DNAH12: variants seen among roughly 807,000 people sequenced by gnomAD.
The protein encoded by DNAH12 is axonemal beta dynein heavy chain 12.
In DNAH12, 285 loss-of-function variants were observed where a neutral mutation model predicts 371.5. The ratio of observed to expected loss-of-function variants is 0.77; its 90% CI spans 0.70 to 0.85. The LOEUF is 0.85. DNAH12 is among the 40% of genes least tolerant of loss of function. The pLI is 0.00. For synonymous variants in DNAH12, 1,200 were observed against 1,213.0 expected (o/e 0.99, Z 0.22); for missense variants, 3,611 against 3,689.4 (o/e 0.98, Z 0.55).
chr3:57,420,477 T>C (rs1407064604), intron 36 of DNAH12, among the ~76,000 whole-genome samples: 1 of 152,178 alleles, frequency 6.6e-6, no homozygotes, highest in African/African-American at 2.4e-5. Flanking sequence ...TTTATCAACA[T>C]TATATATGTA....
intron 7 of DNAH12, 50 bp from the exon 8 acceptor site, chr3:57,507,888 T>C (rs781045318): frequency 6.7e-7 from 1 of 1,484,204 alleles, no homozygotes; most frequent in Non-Finnish European, 8.9e-7. Context: ...TACATATTGG[T>C]CTTAAAACAC....
chr3:57,479,475 G>A (rs1165965812), intron 13 of DNAH12, among the ~76,000 whole-genome samples: 1 of 152,136 alleles, frequency 6.6e-6, no homozygotes, highest in Non-Finnish European at 1.5e-5. Context: ...AATAATGGGA[G>A]ACTTTAAAAC....
chr3:57,295,462 G>T, intron 73 of DNAH12, 63 bp downstream of exon 73: 1 of 1,386,432 alleles, frequency 7.2e-7, no homozygotes, highest in Non-Finnish European at 9.8e-7. Flanking sequence ...TTGGGGAGCA[G>T]TGTATAATAT....
intron 36 of DNAH12, among the ~76,000 whole-genome samples, chr3:57,420,402 G>C (rs11719794): frequency 6.6e-6 from 1 of 151,974 alleles, no homozygotes; most frequent in Non-Finnish European, 1.5e-5. Context: ...TGGTAACTTT[G>C]TAAGTTTGGG....
chr3:57,539,323 T>A (rs2153402687), intron 2 of DNAH12, among the ~76,000 whole-genome samples: 1 of 152,376 alleles, frequency 6.6e-6, no homozygotes, highest in South Asian at 2.1e-4. Flanking sequence ...GGCCCTACAC[T>A]ATCTGCTCCC....
intron 59 of DNAH12, 142 bp from the exon 60 acceptor site, chr3:57,352,367 C>T: frequency 2.3e-6 from 2 of 860,752 alleles, no homozygotes; most frequent in Non-Finnish European, 3.4e-6. Flanking sequence ...GCATGTAAAA[C>T]TGGTGAAATC....
intron 65 of DNAH12, among the ~76,000 whole-genome samples, chr3:57,317,176 T>C (rs1227075393): frequency 1.3e-5 from 2 of 152,222 alleles, no homozygotes; most frequent in Non-Finnish European, 2.9e-5. Flanking sequence ...CAGTTGAACA[T>C]GCAAATTTGT....
chr3:57,524,852 G>C (rs1400076625), intron 2 of DNAH12, among the ~76,000 whole-genome samples: 1 of 152,216 alleles, frequency 6.6e-6, no homozygotes, highest in Admixed American at 6.5e-5. Flanking sequence ...ACAGTGTCAA[G>C]TGGAGATAAG....
rs2061535604 is a variant in DNAH12, at chr3:57,309,182, C to A, written c.11158G>T (p.Val3720Leu). Residue 3720 changes from valine to leucine, a missense_variant, in exon 69 of 74, where the codon GTG becomes TTG. Physicochemically the swap from Val to Leu is conservative, Grantham distance 32. Coordinates refer to ENST00000495027, the MANE Select transcript of DNAH12 (RefSeq NM_001366028.2). ...AATCTTTCCATTTCTTGTACTAACA[C>A]AGTATTCATGCTTTCTTCATATCTC... The part of the protein sequence containing the change: ...PVRYEESMNT[V>L]LVQEMERFNN... The A allele has an allele frequency of 1.3e-6, 2 of 1,549,040 alleles. No homozygotes were observed. Among genetic ancestry groups the A allele is most frequent in the Non-Finnish European group, 1.7e-6 (2 of 1,146,298 alleles).
chr3:57,491,486 T>A (rs1434181384), intron 11 of DNAH12, among the ~76,000 whole-genome samples: 1 of 152,236 alleles, frequency 6.6e-6, no homozygotes, highest in Non-Finnish European at 1.5e-5. Context: ...ATTAAATTTT[T>A]TCATGGAACA....
chr3:57,441,900 T>A (rs1434969714), intron 29 of DNAH12, among the ~76,000 whole-genome samples: 1 of 151,830 alleles, frequency 6.6e-6, no homozygotes, highest in African/African-American at 2.4e-5. Context: ...AGGCACATAG[T>A]CAAACTGCTC....
chr3:57,433,389 G>T lies in DNAH12; in HGVS notation c.4958C>A (p.Thr1653Lys). The stretch of plus-strand genomic sequence containing the variant: ...TACCTTTTTATTATCATCCAATACT[G>T]TGTTCATGCTCTCTATCCACAAAGT... The part of the protein sequence containing the change: ...IDTLWIESMN[T>K]VLDDNKKLCL... Residue 1653 changes from threonine to lysine, a missense_variant, in exon 32 of 74, where the codon ACA becomes AAA. Thr to Lys is a moderately conservative substitution (Grantham distance 78, BLOSUM62 -1). Transcript: ENST00000495027. 6.4e-7 allele frequency: 1 copy of T among 1,551,034 alleles called. No homozygotes were observed.
At chr3:57,317,632 A>G (rs1293676491) in intron 65 of DNAH12, among the ~76,000 whole-genome samples, 1 of 152,016 alleles carries the variant, frequency 6.6e-6, no homozygotes, top group Non-Finnish European at 1.5e-5. Context: ...TGGTGCTGCA[A>G]TGAACACTGG....
At chr3:57,400,278 T>C (rs1338681621) in intron 43 of DNAH12, among the ~76,000 whole-genome samples, 4 of 152,078 alleles carry the variant, frequency 2.6e-5, no homozygotes, top group African/African-American at 9.7e-5. Context: ...AGAGCGAGAC[T>C]CTATCTAAAA....
intron 18 of DNAH12, among the ~76,000 whole-genome samples, chr3:57,462,002 T>C (rs1413861249): frequency 2.6e-5 from 4 of 152,158 alleles, no homozygotes; most frequent in Non-Finnish European, 5.9e-5. Context: ...CAGCCCATAG[T>C]CTGAAGATGT....
intron 22 of DNAH12, among the ~76,000 whole-genome samples, chr3:57,456,128 GCTATTGC>G (rs2065896588): frequency 6.6e-6 from 1 of 152,178 alleles, no homozygotes; most frequent in Non-Finnish European, 1.5e-5. Flanking sequence ...GTGACTGAGA[GCTATTGC>G]TAGGTACATA....
intron 59 of DNAH12, among the ~76,000 whole-genome samples, chr3:57,354,527 G>A (rs2062752604): frequency 2.4e-5 from 3 of 125,978 alleles, no homozygotes. Flanking sequence ...TAAACCCTAT[G>A]TCTTGTTTGC....
intron 30 of DNAH12, among the ~76,000 whole-genome samples, chr3:57,434,747 G>A (rs1283548969): frequency 6.6e-6 from 1 of 152,144 alleles, no homozygotes; most frequent in Non-Finnish European, 1.5e-5. Context: ...TTACCTGGAA[G>A]ACAGCTAATT....
Position 57,295,600 on chromosome 3 carries a change from G to A in DNAH12, c.11625-8C>T, listed in dbSNP as rs1253608294. The A allele has an allele frequency of 8.5e-6, 13 of 1,536,422 alleles. No individual in the cohort carries two copies. Among genetic ancestry groups the A allele is most frequent in the Middle Eastern group, 1.7e-4 (1 of 5,948 alleles). On this transcript the variant is annotated splice_region_variant and splice_polypyrimidine_tract_variant and intron_variant, in intron 72 of 73. Transcript: ENST00000495027. ...TGTTCAGCAAGCAATCCACTGTAACGAGAAATTGACAGAAATTATTAGAAA... is the reference window on the plus strand; with the variant it reads ...TGTTCAGCAAGCAATCCACTGTAACAAGAAATTGACAGAAATTATTAGAAA...
Sources: allele counts gnomAD v4.1 joint callset (sites outside exome capture counted in the v4.1 genomes callset), GRCh38; gene constraint gnomAD v4.1.1; transcripts MANE v1.5; gene names NCBI Gene and HGNC (gene_info 2026-07-23, HGNC 2026-07-21).